Variants in TTC28 observed in about 807,000 individuals in gnomAD.
The protein encoded by TTC28 is tetratricopeptide repeat domain 28.
TTC28 carries 61 observed loss-of-function variants against 198.0 expected under a neutral mutation model. The observed-to-expected ratio is 0.31, with a 90% CI of 0.25 to 0.38. The LOEUF (loss-of-function observed/expected upper bound fraction) is 0.38. Ranked by LOEUF, TTC28 falls within the 10% of genes least tolerant of loss-of-function variation. The pLI is 1.00. For synonymous variants in TTC28, 1,171 were observed against 1,297.8 expected (o/e 0.90, Z 2.10); for missense variants, 2,678 against 3,164.0 (o/e 0.85, Z 3.69).
chr22:28,269,468 T>C (rs1931907281), intron 5 of TTC28, among the ~76,000 whole-genome samples: 4 of 152,342 alleles, frequency 2.6e-5, no homozygotes, highest in African/African-American at 9.6e-5. Context: ...TAGCAACATT[T>C]AACAACACTG....
rs752253541 is a variant in TTC28, at chr22:28,015,344, G to A, written c.4074-952C>T. ...GCAGCACAGCCATCAGTGACATTCT[G>A]TGCCTGATTACTGGACAGACAGTGA... is the stretch of plus-strand genomic sequence containing the variant. On this transcript the variant is annotated intron_variant, in intron 13 of 22. Coordinates refer to ENST00000397906, the MANE Select transcript of TTC28 (RefSeq NM_001145418.2). Among the ~76,000 whole-genome samples, 10 of 149,560 alleles carry A rather than the reference G, an allele frequency of 6.7e-5. 1 individual carries two copies. In the South Asian group the frequency reaches 1.7e-3, roughly 25 times the overall value.
At chr22:28,050,040 C>T (rs1427846155) in intron 12 of TTC28, among the ~76,000 whole-genome samples, 1 of 152,028 alleles carries the variant, frequency 6.6e-6, no homozygotes, top group Non-Finnish European at 1.5e-5. Context: ...TGCATATTAC[C>T]ATGAATCCTT....
chr22:28,089,018 G>A (rs991852607), intron 12 of TTC28, among the ~76,000 whole-genome samples: 1 of 152,146 alleles, frequency 6.6e-6, no homozygotes, highest in South Asian at 2.1e-4. Flanking sequence ...GAAACAACAG[G>A]TGCTGGAGAG....
At chr22:28,336,998 C>T (rs894665520) in intron 2 of TTC28, among the ~76,000 whole-genome samples, 155 of 152,318 alleles carry the variant, frequency 1.0e-3, no homozygotes, top group African/African-American at 3.5e-3. Context: ...TTTCCCTCTA[C>T]ACACTGCTTT....
intron 5 of TTC28, among the ~76,000 whole-genome samples, chr22:28,276,142 G>T (rs756669659): frequency 6.6e-6 from 1 of 151,888 alleles, no homozygotes; most frequent in Non-Finnish European, 1.5e-5. Context: ...CTCCCGAGTA[G>T]CTGGGATCAC....
At chr22:28,471,788 T>C (rs1284725240) in intron 2 of TTC28, among the ~76,000 whole-genome samples, 2 of 152,198 alleles carry the variant, frequency 1.3e-5, no homozygotes, top group South Asian at 2.1e-4. Flanking sequence ...GAAAGAACAC[T>C]AGGAACATTA....
chr22:28,120,932 C>A (rs1029978286), intron 6 of TTC28, among the ~76,000 whole-genome samples: 2 of 152,178 alleles, frequency 1.3e-5, no homozygotes, highest in African/African-American at 4.8e-5. Flanking sequence ...GCTATCAAAA[C>A]AAGTGATTCA....
intron 2 of TTC28, among the ~76,000 whole-genome samples, chr22:28,402,565 T>C (rs999726038): frequency 6.6e-6 from 1 of 152,210 alleles, no homozygotes; most frequent in East Asian, 1.9e-4. Context: ...TTTAGGCCTA[T>C]CTGTAATTAT....
intron 2 of TTC28, among the ~76,000 whole-genome samples, chr22:28,581,053 C>T (rs908873895): frequency 6.6e-6 from 1 of 152,172 alleles, no homozygotes. Flanking sequence ...TGTGTCTCCA[C>T]GCAAATCTCA....
At chr22:28,561,719 G>A (rs918375295) in intron 2 of TTC28, among the ~76,000 whole-genome samples, 1 of 152,078 alleles carries the variant, frequency 6.6e-6, no homozygotes, top group Non-Finnish European at 1.5e-5. Context: ...TCAATGCTAA[G>A]CCTGGAACAT....
At position 28,596,271 on chromosome 22, in the gene TTC28, G is replaced by GA. The variant is rs894748093; in HGVS notation, c.381+33280dup. On this transcript the variant is annotated intron_variant, in intron 2 of 22. Transcript: ENST00000397906. The stretch of plus-strand genomic sequence containing the variant: ...AATGCAAATATTAAAGGAATGGGGG[G>GA]AAAAAAAGACTGGTTAGAGTGTAGT... 9.3e-4 allele frequency among the ~76,000 whole-genome samples: 142 copies of GA among 152,090 alleles called. 1 individual carries two copies. The Middle Eastern group carries it at 0.01, about 11-fold the overall frequency.
At chr22:28,038,258 A>T (rs188977037) in intron 12 of TTC28, among the ~76,000 whole-genome samples, 63 of 152,350 alleles carry the variant, frequency 4.1e-4, no homozygotes, top group African/African-American at 1.4e-3. Context: ...AAGCTACCTG[A>T]CTTCAAACTA....
intron 5 of TTC28, among the ~76,000 whole-genome samples, chr22:28,266,202 T>C (rs910537968): frequency 1.3e-5 from 2 of 151,704 alleles, no homozygotes; most frequent in Non-Finnish European, 2.9e-5. Context: ...AAAGTTCCTG[T>C]TTTTGTGGGG....
chr22:28,450,686 T>A (rs1321302907), intron 2 of TTC28, among the ~76,000 whole-genome samples: 1 of 152,156 alleles, frequency 6.6e-6, no homozygotes, highest in African/African-American at 2.4e-5. Flanking sequence ...CCAGAAATAA[T>A]GCTCATGTGT....
chr22:28,271,878 C>CA lies in TTC28; in HGVS notation c.933+24319dup, dbSNP rs965039182. Among the ~76,000 whole-genome samples the CA allele has an allele frequency of 8.8e-4, 134 of 152,290 alleles. 1 individual carries two copies. The highest frequency in any genetic ancestry group is 3.0e-3 in the African/African-American group (126 of 41,542). Reference sequence around the variant, plus strand: ...TCGGCCTCCCAAAGTGCTGGGATTACAGGCGTGAGCCACCGTGCCTGGCTG... The same window carrying CA: ...TCGGCCTCCCAAAGTGCTGGGATTACAAGGCGTGAGCCACCGTGCCTGGCTG... On this transcript the variant is annotated intron_variant, in intron 5 of 22. Coordinates refer to ENST00000397906, the MANE Select transcript of TTC28 (RefSeq NM_001145418.2).
intron 5 of TTC28, among the ~76,000 whole-genome samples, chr22:28,191,184 A>G (rs1217543706): frequency 1.3e-5 from 2 of 152,346 alleles, no homozygotes; most frequent in South Asian, 2.1e-4. Context: ...TAAAAGAAAC[A>G]TGTTTAAATG....
At position 28,107,127 on chromosome 22, in the gene TTC28, G is replaced by A. The variant is rs144717854; in HGVS notation, c.2718C>T (p.Val906=). ...CTTGCATGCGATTCAGACTCTGCGC[G>A]ACAGATAAATATTGTTCATAGTATT... The part of the protein sequence containing the change: ...AIKYYEQYLS[V]AQSLNRMQDQ... Residue 906 remains valine, a synonymous_variant, in exon 7 of 23, where the codon GTC becomes GTT. Coordinates refer to ENST00000397906, the MANE Select transcript of TTC28 (RefSeq NM_001145418.2). The A allele has an allele frequency of 3.0e-3, 4,706 of 1,551,646 alleles. 15 individuals are homozygous for A. The highest frequency in any genetic ancestry group is 4.2e-3 in the Middle Eastern group (25 of 5,992).
At chr22:28,126,036 T>A (rs1214833950) in intron 6 of TTC28, among the ~76,000 whole-genome samples, 1 of 152,180 alleles carries the variant, frequency 6.6e-6, no homozygotes. Flanking sequence ...TGAAAGACAC[T>A]GTACCCCTGA....
rs542984672 is a variant in TTC28, at chr22:28,135,188, C to T, written c.1442-26785G>A. On this transcript the variant is annotated intron_variant, in intron 6 of 22. Coordinates refer to ENST00000397906, the MANE Select transcript of TTC28 (RefSeq NM_001145418.2). ...AGTGAAGTGAGGTAGGGGTGGGGGA[C>T]TGCCATCCTGTTACTACCTTGGGGT... Among the ~76,000 whole-genome samples, 8 of 152,270 alleles carry T rather than the reference C, an allele frequency of 5.3e-5. No homozygotes were observed. The East Asian group carries it at 1.5e-3, about 29-fold the overall frequency.
Sources: gnomAD v4.1 joint callset for allele counts (sites outside exome capture counted in the v4.1 genomes callset) on GRCh38, gnomAD v4.1.1 for gene constraint, MANE v1.5 for transcripts, NCBI Gene and HGNC (gene_info 2026-07-23, HGNC 2026-07-21) for gene names.